Variants in SMYD3 observed in about 807,000 individuals in gnomAD.
SMYD3 encodes the protein SET and MYND domain containing 3.
Under a neutral mutation model 57.7 loss-of-function variants are expected in SMYD3, and 36 were observed. That is an observed-to-expected ratio of 0.62 (90% CI 0.48 to 0.82). The LOEUF is 0.82. Ranked by LOEUF, SMYD3 falls within the 40% of genes least tolerant of loss-of-function variation. The probability of loss-of-function intolerance (pLI) is 0.00; values close to 1 mark genes in which losing one functional copy is unlikely to be tolerated. For synonymous variants in SMYD3, 211 were observed against 195.0 expected, an observed-to-expected ratio of 1.08 and a Z score of -0.68; for missense variants, 515 against 538.8, an observed-to-expected ratio of 0.96 and a Z score of 0.44.
chr1:245,949,319 A>C (rs1287022939), intron 5 of SMYD3, among the ~76,000 whole-genome samples: 1 of 152,136 alleles, frequency 6.6e-6, no homozygotes, highest in African/African-American at 2.4e-5. Context: ...CACCACCGCC[A>C]CCGTGGGGCC....
At chr1:245,914,849 G>C (rs1221354240) in intron 8 of SMYD3, among the ~76,000 whole-genome samples, 1 of 145,792 alleles carries the variant, frequency 6.9e-6, no homozygotes, top group African/African-American at 2.6e-5. Context: ...GTATCACTCT[G>C]TATCCCAAAA....
intron 8 of SMYD3, among the ~76,000 whole-genome samples, chr1:245,897,350 G>GTA (rs2053888798): frequency 1.3e-5 from 2 of 152,120 alleles, no homozygotes; most frequent in Admixed American, 1.3e-4. Context: ...GGGTACCATT[G>GTA]TTTTCAACTG....
At chr1:246,091,833 A>C (rs2147891023) in intron 5 of SMYD3, among the ~76,000 whole-genome samples, 2 of 152,310 alleles carry the variant, frequency 1.3e-5, no homozygotes, top group African/African-American at 2.4e-5. Context: ...TTTCAACTTT[A>C]AACTCAAAGG....
chr1:246,102,775 C>G lies in SMYD3; in HGVS notation c.532-172838G>C, dbSNP rs901917657. 2.6e-5 allele frequency among the ~76,000 whole-genome samples: 4 copies of G among 151,526 alleles called. No individual in the cohort carries two copies. The East Asian group carries it at 7.7e-4, about 29-fold the overall frequency. On this transcript the variant is annotated intron_variant, in intron 5 of 11. Coordinates refer to ENST00000490107, the MANE Select transcript of SMYD3 (RefSeq NM_001167740.2). ...AAAAAAAATAATAATAATAATAATC[C>G]TACCTACTCCGGAGGCTGAGGTGGT...
At chr1:245,862,345 G>T (rs1177338475) in intron 9 of SMYD3, among the ~76,000 whole-genome samples, 1 of 151,968 alleles carries the variant, frequency 6.6e-6, no homozygotes, top group Admixed American at 6.5e-5. Context: ...GTTAAATTTT[G>T]CTATTTACTA....
At position 245,875,725 on chromosome 1, in the gene SMYD3, T is replaced by C. The variant is rs536278645; in HGVS notation, c.814-11839A>G. On this transcript the variant is annotated intron_variant, in intron 8 of 11. Transcript: ENST00000490107. ...ATGATTACCTTTTGATTAGTTTTTG[T>C]TTTCATTTTGGGTCATACTCATTGT... Among the ~76,000 whole-genome samples the C allele has an allele frequency of 3.9e-5, 6 of 152,364 alleles. No individual in the cohort carries two copies. In the East Asian group the frequency reaches 5.8e-4, roughly 15 times the overall value.
chr1:245,877,991 C>T lies in SMYD3; in HGVS notation c.814-14105G>A, dbSNP rs567848291. 7.9e-5 allele frequency among the ~76,000 whole-genome samples: 12 copies of T among 151,992 alleles called. No individual in the cohort carries two copies. The East Asian group carries it at 1.2e-3, about 15-fold the overall frequency. Reference sequence around the variant, plus strand: ...CAAAGCGGAGAAGTAAAGGAGGGCACGGAAACGAAAGGAGAGTGTTCCCAG... The same window carrying T: ...CAAAGCGGAGAAGTAAAGGAGGGCATGGAAACGAAAGGAGAGTGTTCCCAG... On this transcript the variant is annotated intron_variant, in intron 8 of 11. Coordinates refer to ENST00000490107, the MANE Select transcript of SMYD3 (RefSeq NM_001167740.2).
chr1:245,826,479 T>G (rs186218353), intron 10 of SMYD3, among the ~76,000 whole-genome samples: 51 of 152,240 alleles, frequency 3.3e-4, no homozygotes, highest in African/African-American at 1.2e-3. Flanking sequence ...CCTCCCAAAG[T>G]GCTAGGATTA....
At chr1:245,923,487 A>G (rs980369862) in intron 7 of SMYD3, among the ~76,000 whole-genome samples, 3 of 152,116 alleles carry the variant, frequency 2.0e-5, no homozygotes, top group Non-Finnish European at 4.4e-5. Flanking sequence ...TGATCCCTAC[A>G]TCTTCCCTCA....
intron 3 of SMYD3, among the ~76,000 whole-genome samples, chr1:246,331,063 A>G (rs2065452314): frequency 6.6e-6 from 1 of 152,224 alleles, no homozygotes; most frequent in South Asian, 2.1e-4. Context: ...TGAGCCCAGC[A>G]GTTCAAGCTT....
chr1:245,771,139 T>TAC (rs1558319535), intron 10 of SMYD3, among the ~76,000 whole-genome samples: 11 of 151,654 alleles, frequency 7.3e-5, no homozygotes, highest in African/African-American at 2.2e-4. Context: ...TACATGTATA[T>TAC]ATACATACAT....
intron 5 of SMYD3, among the ~76,000 whole-genome samples, chr1:246,111,789 A>C (rs1165419271): frequency 6.6e-6 from 1 of 152,186 alleles, no homozygotes; most frequent in African/African-American, 2.4e-5. Flanking sequence ...AGACTACTTC[A>C]CCATGTGAGG....
chr1:246,233,900 C>T (rs1389139475), intron 5 of SMYD3, among the ~76,000 whole-genome samples: 11 of 124,208 alleles, frequency 8.9e-5, no homozygotes, highest in African/African-American at 3.3e-4. Flanking sequence ...CTGTGATGAA[C>T]ATATACCACG....
intron 5 of SMYD3, among the ~76,000 whole-genome samples, chr1:246,047,440 T>G (rs2059988835): frequency 6.6e-6 from 1 of 152,218 alleles, no homozygotes; most frequent in African/African-American, 2.4e-5. Flanking sequence ...AAAAAGGCAT[T>G]AGCATATGTG....
At chr1:245,816,762 T>C (rs531125267) in intron 10 of SMYD3, among the ~76,000 whole-genome samples, 1 of 152,224 alleles carries the variant, frequency 6.6e-6, no homozygotes, top group African/African-American at 2.4e-5. Context: ...GGGAGTTCCC[T>C]TTCCTAGTCA....
At chr1:246,419,131 C>G (rs561503139) in intron 1 of SMYD3, among the ~76,000 whole-genome samples, 209 of 152,254 alleles carry the variant, frequency 1.4e-3, no homozygotes, top group Non-Finnish European at 2.4e-3. Context: ...AGATCCACCC[C>G]CCACTAGCAA....
chr1:245,909,784 T>C (rs2054835905), intron 8 of SMYD3, among the ~76,000 whole-genome samples: 1 of 151,980 alleles, frequency 6.6e-6, no homozygotes, highest in African/African-American at 2.4e-5. Flanking sequence ...GAAAAAAATC[T>C]TAACAAACTG....
chr1:246,393,868 A>G (rs1429920707), intron 1 of SMYD3, among the ~76,000 whole-genome samples: 2 of 151,996 alleles, frequency 1.3e-5, no homozygotes, highest in African/African-American at 4.8e-5. Context: ...AAAAAAATCT[A>G]AAAACAATTG....
chr1:245,941,316 A>C (rs1172234076), intron 5 of SMYD3, among the ~76,000 whole-genome samples: 1 of 152,076 alleles, frequency 6.6e-6, no homozygotes, highest in East Asian at 1.9e-4. Flanking sequence ...AATCCAGGGA[A>C]CCCCAGTAAG....
Sources: gnomAD v4.1 joint callset for allele counts (sites outside exome capture counted in the v4.1 genomes callset) on GRCh38, gnomAD v4.1.1 for gene constraint, MANE v1.5 for transcripts, NCBI Gene and HGNC (gene_info 2026-07-23, HGNC 2026-07-21) for gene names.